AUTS2: variants seen among roughly 807,000 people sequenced by gnomAD.
AUTS2 encodes activator of transcription and developmental regulator AUTS2, also known as autism susceptibility gene 2 protein.
AUTS2 carries 17 observed loss-of-function variants against 112.4 expected under a neutral mutation model. That is an observed-to-expected ratio of 0.15 (90% confidence interval 0.10 to 0.23). AUTS2 has a LOEUF of 0.23. AUTS2 is among the 10% of genes least tolerant of loss of function. The pLI is 1.00. For synonymous variants in AUTS2, 751 were observed against 702.7 expected (o/e 1.07, Z -1.09); for missense variants, 1,510 against 1,701.6 (o/e 0.89, Z 1.98).
chr7:69,866,880 A>T (rs950140337), intron 1 of AUTS2, among the ~76,000 whole-genome samples: 1 of 152,218 alleles, frequency 6.6e-6, no homozygotes, highest in Non-Finnish European at 1.5e-5. Flanking sequence ...TTTAGTAAGC[A>T]TTTACAGCCT....
chr7:70,311,949 C>T (rs1383293827), intron 4 of AUTS2, among the ~76,000 whole-genome samples: 4 of 152,174 alleles, frequency 2.6e-5, no homozygotes, highest in African/African-American at 4.8e-5. Flanking sequence ...CTCTTGACCT[C>T]GTGATCCGCC....
rs188987277 is a variant in AUTS2, at chr7:69,729,499, C to T, written c.309+129537C>T. On this transcript the variant is annotated intron_variant, in intron 1 of 18. Coordinates refer to ENST00000342771, the MANE Select transcript of AUTS2 (RefSeq NM_015570.4). ...TCACTTTTTGGTGGTGTGATTATAT[C>T]GGAATACTTTTGTATTTTGCTTAAC... is the stretch of plus-strand genomic sequence containing the variant. Among the ~76,000 whole-genome samples, 14 of 128,086 alleles carry T rather than the reference C, an allele frequency of 1.1e-4. No individual in the cohort carries two copies. The East Asian group carries it at 3.1e-3, about 28-fold the overall frequency. The allele number at this position is 128,086 out of a possible 152,430, so 84.0% of individuals were successfully genotyped here.
chr7:70,221,027 T>C (rs1033521385), intron 4 of AUTS2, among the ~76,000 whole-genome samples: 1 of 152,188 alleles, frequency 6.6e-6, no homozygotes, highest in African/African-American at 2.4e-5. Context: ...CTCTGCCTCC[T>C]GAGTGGCCAG....
intron 4 of AUTS2, among the ~76,000 whole-genome samples, chr7:70,187,047 T>G (rs1809641916): frequency 6.6e-6 from 1 of 152,252 alleles, no homozygotes; most frequent in Non-Finnish European, 1.5e-5. Context: ...GGCTCTGTAA[T>G]CCATGCTCTT....
chr7:70,235,018 A>G (rs1003351422), intron 4 of AUTS2, among the ~76,000 whole-genome samples: 15 of 152,200 alleles, frequency 9.9e-5, no homozygotes, highest in African/African-American at 3.6e-4. Context: ...AGCTACTGTT[A>G]ATAATTGAAG....
intron 5 of AUTS2, among the ~76,000 whole-genome samples, chr7:70,624,130 T>TTATCTTCAG (rs1186634205): frequency 6.6e-4 from 100 of 152,322 alleles, no homozygotes; most frequent in African/African-American, 2.3e-3. Flanking sequence ...TTTTAAAAAA[T>TTATCTTCAG]CAATATGAAG....
chr7:69,818,323 A>G (rs1248045488), intron 1 of AUTS2, among the ~76,000 whole-genome samples: 1 of 152,154 alleles, frequency 6.6e-6, no homozygotes, highest in African/African-American at 2.4e-5. Context: ...GAGTTGTAGG[A>G]CAGCATCTGA....
chr7:70,162,478 A>AAAG (rs1183720063), intron 4 of AUTS2, among the ~76,000 whole-genome samples: 3 of 132,440 alleles, frequency 2.3e-5, no homozygotes, highest in Non-Finnish European at 4.9e-5. Flanking sequence ...AAAAAAAAAA[A>AAAG]AAGAAGTAAA....
intron 4 of AUTS2, among the ~76,000 whole-genome samples, chr7:70,403,715 C>T (rs1262576785): frequency 6.6e-6 from 1 of 152,076 alleles, no homozygotes; most frequent in Non-Finnish European, 1.5e-5. Flanking sequence ...TGAGCAGAGC[C>T]GCAAAAGAAT....
intron 14 of AUTS2, among the ~76,000 whole-genome samples, chr7:70,778,374 T>G (rs140725142): frequency 1.3e-5 from 2 of 152,256 alleles, no homozygotes; most frequent in African/African-American, 4.8e-5. Context: ...GGAGTTCTCA[T>G]GAAAGAAATA....
At chr7:69,809,524 C>T (rs1424109481) in intron 1 of AUTS2, among the ~76,000 whole-genome samples, 1 of 152,204 alleles carries the variant, frequency 6.6e-6, no homozygotes, top group Non-Finnish European at 1.5e-5. Context: ...TTGTACCACT[C>T]ACCTACCCAA....
At chr7:70,286,545 G>A (rs1481527769) in intron 4 of AUTS2, among the ~76,000 whole-genome samples, 5 of 152,180 alleles carry the variant, frequency 3.3e-5, no homozygotes, top group Admixed American at 2.0e-4. Flanking sequence ...ATATAAAGAT[G>A]TATTTCTGAT....
intron 6 of AUTS2, among the ~76,000 whole-genome samples, chr7:70,710,440 A>T (rs1809989422): frequency 6.6e-6 from 1 of 152,194 alleles, no homozygotes; most frequent in Non-Finnish European, 1.5e-5. Context: ...CAAGCATTTC[A>T]TCAGAGTTCT....
At chr7:70,642,516 A>G (rs549499030) in intron 5 of AUTS2, among the ~76,000 whole-genome samples, 5 of 151,838 alleles carry the variant, frequency 3.3e-5, no homozygotes, top group Admixed American at 2.6e-4. Context: ...CCTTGAATTT[A>G]TTTCCAATTG....
chr7:70,166,105 C>T (rs552415854), intron 4 of AUTS2, among the ~76,000 whole-genome samples: 1 of 152,278 alleles, frequency 6.6e-6, no homozygotes, highest in South Asian at 2.1e-4. Context: ...GCCTCTCAGT[C>T]ATAATTTCTG....
chr7:70,564,445 C>T (rs142060123), intron 5 of AUTS2, among the ~76,000 whole-genome samples: 84 of 152,288 alleles, frequency 5.5e-4, no homozygotes, highest in African/African-American at 1.5e-3. Flanking sequence ...ATGGGCTGGG[C>T]AATTAGGTTT....
chr7:70,707,427 T>A (rs2129548496), intron 6 of AUTS2, among the ~76,000 whole-genome samples: 1 of 152,258 alleles, frequency 6.6e-6, no homozygotes, highest in Admixed American at 6.5e-5. Flanking sequence ...GACATGCTCA[T>A]AGCAGTCATA....
At chr7:70,679,561 T>G (rs903172328) in intron 5 of AUTS2, among the ~76,000 whole-genome samples, 10 of 151,802 alleles carry the variant, frequency 6.6e-5, no homozygotes, top group African/African-American at 2.2e-4. Flanking sequence ...AGGCCACATG[T>G]GTCTATGCAA....
intron 1 of AUTS2, among the ~76,000 whole-genome samples, chr7:69,752,356 C>G (rs906287046): frequency 2.0e-5 from 3 of 152,228 alleles, no homozygotes; most frequent in Non-Finnish European, 4.4e-5. Context: ...GTCATGGATC[C>G]AAGCCAAGGC....
Sources: allele counts gnomAD v4.1 joint callset (sites outside exome capture counted in the v4.1 genomes callset), GRCh38; gene constraint gnomAD v4.1.1; transcripts MANE v1.5; gene names NCBI Gene and HGNC (gene_info 2026-07-23, HGNC 2026-07-21).